PRKAR2B: variants seen among roughly 807,000 people sequenced by gnomAD.
The protein encoded by PRKAR2B is protein kinase cAMP-dependent type II regulatory subunit beta, also known as cAMP-dependent protein kinase type II-beta regulatory subunit.
A neutral mutation model predicts 49.9 loss-of-function variants in PRKAR2B; 14 were observed. That is an observed-to-expected ratio of 0.28 (90% CI 0.19 to 0.44). The LOEUF (loss-of-function observed/expected upper bound fraction) is 0.44. Ranked by LOEUF, PRKAR2B falls within the 20% of genes least tolerant of loss-of-function variation. The pLI, the probability that PRKAR2B is intolerant of heterozygous loss-of-function variation, is 1.00. For synonymous variants in PRKAR2B, 196 were observed against 197.7 expected (o/e 0.99, Z 0.07); for missense variants, 393 against 537.9 (o/e 0.73, Z 2.67).
intron 10 of PRKAR2B, among the ~76,000 whole-genome samples, chr7:107,157,705 G>A (rs1490142641): frequency 6.6e-6 from 1 of 152,314 alleles, no homozygotes; most frequent in East Asian, 1.9e-4. Context: ...ATGCTGAGAT[G>A]TTGTGAGAAT....
intron 1 of PRKAR2B, among the ~76,000 whole-genome samples, chr7:107,055,465 C>G (rs1292382135): frequency 6.6e-6 from 1 of 152,190 alleles, no homozygotes; most frequent in African/African-American, 2.4e-5. Flanking sequence ...CACATCCTCT[C>G]CAGCACCTGT....
intron 7 of PRKAR2B, among the ~76,000 whole-genome samples, chr7:107,151,333 TTA>T (rs1375074957): frequency 3.3e-5 from 5 of 152,226 alleles, no homozygotes; most frequent in Non-Finnish European, 5.9e-5. Context: ...AGTTGTAACT[TTA>T]CAGTGAGGCG....
chr7:107,150,411 A>G (rs990986608), intron 6 of PRKAR2B, among the ~76,000 whole-genome samples: 1 of 152,148 alleles, frequency 6.6e-6, no homozygotes, highest in East Asian at 1.9e-4. Flanking sequence ...TACAGGGTAC[A>G]TAAGCTATTT....
intron 4 of PRKAR2B, among the ~76,000 whole-genome samples, chr7:107,135,772 TA>T (rs1463391385): frequency 1.3e-5 from 2 of 152,314 alleles, no homozygotes; most frequent in Non-Finnish European, 2.9e-5. Flanking sequence ...GAAGACCCAC[TA>T]TTGTCAAGAT....
At chr7:107,104,776 G>T (rs1208680797) in intron 2 of PRKAR2B, among the ~76,000 whole-genome samples, 2 of 152,158 alleles carry the variant, frequency 1.3e-5, no homozygotes, top group African/African-American at 2.4e-5. Flanking sequence ...TATAGTGGGA[G>T]TCTGGGTGCA....
intron 2 of PRKAR2B, among the ~76,000 whole-genome samples, chr7:107,085,143 C>A (rs894128793): frequency 1.7e-4 from 26 of 151,926 alleles, no homozygotes; most frequent in Non-Finnish European, 3.5e-4. Flanking sequence ...GCCCTCTCAG[C>A]CATCTATAAG....
intron 2 of PRKAR2B, among the ~76,000 whole-genome samples, chr7:107,071,915 CAA>C (rs1794284583): frequency 6.6e-6 from 1 of 151,328 alleles, no homozygotes; most frequent in Non-Finnish European, 1.5e-5. Context: ...AATACAAAAA[CAA>C]AATGAGCCGG....
At chr7:107,079,493 A>C (rs1470040011) in intron 2 of PRKAR2B, 1 of 151,306 alleles carries the variant, frequency 6.6e-6, no homozygotes, top group East Asian at 1.9e-4. Flanking sequence ...GCATTTTGTC[A>C]GGACAGCCTG....
chr7:107,139,371 G>C (rs530827060), intron 4 of PRKAR2B, among the ~76,000 whole-genome samples: 1 of 152,176 alleles, frequency 6.6e-6, no homozygotes, highest in Non-Finnish European at 1.5e-5. Flanking sequence ...ATCTGTTCTA[G>C]TTCTAATTTG....
intron 1 of PRKAR2B, among the ~76,000 whole-genome samples, chr7:107,054,898 G>A (rs1295971551): frequency 2.0e-5 from 3 of 152,082 alleles, no homozygotes; most frequent in Non-Finnish European, 4.4e-5. Context: ...TGCCATGTTG[G>A]TGTGCTACAC....
chr7:107,053,525 AGTGTGTGTGTGTGTGTGTGTGTGTGTGT>A (rs56855022), intron 1 of PRKAR2B, among the ~76,000 whole-genome samples: 1 of 141,892 alleles, frequency 7.0e-6, no homozygotes, highest in East Asian at 2.1e-4. Context: ...GATTATAAAG[AGTGTGTGTGTGTGTGTGTGTGTGTGTGT>A]GTGTGTGTGT....
Position 107,151,040 on chromosome 7 carries a change from G to C in PRKAR2B, c.843+17G>C, listed in dbSNP as rs763347636. On this transcript the variant is annotated intron_variant, in intron 7 of 10. Coordinates refer to ENST00000265717, the MANE Select transcript of PRKAR2B (RefSeq NM_002736.3). Reference sequence around the variant, plus strand: ...TCTTTGGAGGTAAGTATATGTTTATGCTTTTATTTTATTTTGCTTTAAAAG... The same window carrying C: ...TCTTTGGAGGTAAGTATATGTTTATCCTTTTATTTTATTTTGCTTTAAAAG... The C allele has an allele frequency of 1.4e-6, 2 of 1,384,730 alleles. No individual in the cohort carries two copies. The highest frequency in any genetic ancestry group is 2.0e-6 in the Non-Finnish European group (2 of 1,023,864). 85.8% of individuals were successfully genotyped at this position (1,384,730 alleles called of 1,614,324 possible). A position where few individuals can be genotyped will look rare whatever the true frequency, so the allele number is the denominator to read the frequency against.
chr7:107,053,146 T>C (rs144164395), intron 1 of PRKAR2B, among the ~76,000 whole-genome samples: 5 of 152,336 alleles, frequency 3.3e-5, no homozygotes, highest in Non-Finnish European at 7.4e-5. Context: ...TTATTTATTT[T>C]AGAAATAATC....
chr7:107,145,137 G>T (rs769276070), intron 5 of PRKAR2B, among the ~76,000 whole-genome samples: 1 of 152,134 alleles, frequency 6.6e-6, no homozygotes, highest in East Asian at 1.9e-4. Flanking sequence ...TAGAATGGGG[G>T]TTGATCTAAA....
At chr7:107,115,344 A>G (rs192249284) in intron 2 of PRKAR2B, among the ~76,000 whole-genome samples, 1 of 152,354 alleles carries the variant, frequency 6.6e-6, no homozygotes, top group Admixed American at 6.5e-5. Context: ...TGGGAATTAA[A>G]TATTCACTTA....
At chr7:107,078,417 G>T (rs1278959852) in intron 2 of PRKAR2B, among the ~76,000 whole-genome samples, 4 of 151,998 alleles carry the variant, frequency 2.6e-5, no homozygotes, top group Admixed American at 2.6e-4. Context: ...GGGACCTAAG[G>T]AGGTTCTCTG....
chr7:107,091,425 A>G (rs1442746227), intron 2 of PRKAR2B, among the ~76,000 whole-genome samples: 1 of 152,164 alleles, frequency 6.6e-6, no homozygotes, highest in Non-Finnish European at 1.5e-5. Context: ...GCATCATGAC[A>G]AATGTCACCT....
At chr7:107,103,757 A>G (rs901699568) in intron 2 of PRKAR2B, among the ~76,000 whole-genome samples, 3 of 152,250 alleles carry the variant, frequency 2.0e-5, no homozygotes, top group African/African-American at 7.2e-5. Context: ...CCCAGCTGCC[A>G]CCTGGTCTAG....
intron 2 of PRKAR2B, among the ~76,000 whole-genome samples, chr7:107,089,335 A>T (rs2116797936): frequency 6.6e-6 from 1 of 152,290 alleles, no homozygotes; most frequent in Non-Finnish European, 1.5e-5. Context: ...CATACTGTTG[A>T]TCAGTCATTC....
Sources: gnomAD v4.1 joint callset for allele counts (sites outside exome capture counted in the v4.1 genomes callset) on GRCh38, gnomAD v4.1.1 for gene constraint, MANE v1.5 for transcripts, NCBI Gene and HGNC (gene_info 2026-07-23, HGNC 2026-07-21) for gene names.